Variants in TMEM132B observed in about 807,000 individuals in gnomAD.
TMEM132B encodes transmembrane protein 132B.
A neutral mutation model predicts 90.8 loss-of-function variants in TMEM132B; 18 were observed. That is an observed-to-expected ratio of 0.20 (90% CI 0.14 to 0.29). TMEM132B has a LOEUF of 0.29. Ranked by LOEUF, TMEM132B falls within the 10% of genes least tolerant of loss-of-function variation. TMEM132B has a pLI of 1.00. For synonymous variants in TMEM132B, 504 were observed against 523.3 expected, an observed-to-expected ratio of 0.96 and a Z score of 0.50; for missense variants, 1,096 against 1,326.8, an observed-to-expected ratio of 0.83 and a Z score of 2.70.
chr12:125,264,206 G>C (rs990293031), intron 1 of TMEM132B, among the ~76,000 whole-genome samples: 1 of 152,044 alleles, frequency 6.6e-6, no homozygotes, highest in African/African-American at 2.4e-5. Flanking sequence ...CGCTTCCTCT[G>C]CCTCTGCCTC....
chr12:125,435,376 G>A (rs1239091707), intron 3 of TMEM132B, among the ~76,000 whole-genome samples: 4 of 152,106 alleles, frequency 2.6e-5, no homozygotes, highest in Non-Finnish European at 4.4e-5. Flanking sequence ...ACTGGGGTGC[G>A]GAAGGGGTGG....
intron 1 of TMEM132B, among the ~76,000 whole-genome samples, chr12:125,219,436 T>C (rs1396055659): frequency 1.3e-5 from 2 of 152,030 alleles, no homozygotes; most frequent in Non-Finnish European, 2.9e-5. Context: ...GTGCCTGGAG[T>C]GGGCAGCTGT....
At chr12:125,319,807 G>C (rs1002508705) in intron 1 of TMEM132B, among the ~76,000 whole-genome samples, 1 of 152,192 alleles carries the variant, frequency 6.6e-6, no homozygotes, top group African/African-American at 2.4e-5. Flanking sequence ...TTGAGCCCAG[G>C]AGTTCAAGAT....
At chr12:125,413,651 A>C (rs1879921319) in intron 2 of TMEM132B, among the ~76,000 whole-genome samples, 1 of 152,238 alleles carries the variant, frequency 6.6e-6, no homozygotes, top group African/African-American at 2.4e-5. Flanking sequence ...ATCGAGGTTC[A>C]TCACGTAGCA....
At chr12:125,354,726 A>G (rs1180928849) in intron 2 of TMEM132B, among the ~76,000 whole-genome samples, 1 of 152,228 alleles carries the variant, frequency 6.6e-6, no homozygotes, top group Non-Finnish European at 1.5e-5. Flanking sequence ...TATGGAGTGA[A>G]TTAGTTACTT....
intron 4 of TMEM132B, among the ~76,000 whole-genome samples, chr12:125,552,206 C>T (rs952465530): frequency 6.6e-6 from 1 of 152,220 alleles, no homozygotes. Flanking sequence ...GTATTTGTAG[C>T]TGGCTCTAAG....
chr12:125,558,704 T>C (rs115359451), intron 4 of TMEM132B, among the ~76,000 whole-genome samples: 1 of 152,318 alleles, frequency 6.6e-6, no homozygotes, highest in African/African-American at 2.4e-5. Context: ...GAAACAAATG[T>C]TGTTAGTTCC....
At chr12:125,298,971 G>A (rs952920933) in intron 1 of TMEM132B, among the ~76,000 whole-genome samples, 1 of 151,898 alleles carries the variant, frequency 6.6e-6, no homozygotes, top group African/African-American at 2.4e-5. Context: ...CTGACCTCGT[G>A]ATCTGCCTGC....
intron 5 of TMEM132B, among the ~76,000 whole-genome samples, chr12:125,628,935 G>A (rs996768194): frequency 2.0e-5 from 3 of 151,986 alleles, no homozygotes; most frequent in African/African-American, 4.8e-5. Flanking sequence ...TTCTTGGCAC[G>A]TTTGTTGGAA....
At chr12:125,330,020 C>T (rs1441128490) in intron 1 of TMEM132B, among the ~76,000 whole-genome samples, 2 of 152,208 alleles carry the variant, frequency 1.3e-5, no homozygotes, top group African/African-American at 4.8e-5. Flanking sequence ...AGCCTGTGGC[C>T]ATTGTTCCGT....
At chr12:125,243,957 T>G (rs1218566060) in intron 1 of TMEM132B, among the ~76,000 whole-genome samples, 2 of 151,952 alleles carry the variant, frequency 1.3e-5, no homozygotes, top group Non-Finnish European at 2.9e-5. Context: ...ACTAACCTCC[T>G]TCCTGTCTCT....
In TMEM132B at chr12:125,281,778, C is replaced by T. The variant is rs4765240; in HGVS notation, c.68-67674C>T. Among the ~76,000 whole-genome samples, 1,214 of 152,086 alleles carry T rather than the reference C, an allele frequency of 8.0e-3. 10 individuals are homozygous for T. Among genetic ancestry groups the T allele is most frequent in the Middle Eastern group, 0.02 (6 of 294 alleles). ...GCGCGGTGGCTCACGCCTGTAATCC[C>T]AGCACTTTGGGAGGCCGAGGTGGGC... is the stretch of plus-strand genomic sequence containing the variant. On this transcript the variant is annotated intron_variant, in intron 1 of 8. Transcript: ENST00000682704.
rs939906684 is a variant in TMEM132B, at chr12:125,415,851, C to T, written c.1106+174C>T. Among the ~76,000 whole-genome samples the T allele has an allele frequency of 1.3e-5, 2 of 152,160 alleles. No individual in the cohort carries two copies. The highest frequency in any genetic ancestry group is 2.9e-5 in the Non-Finnish European group (2 of 68,036). ...CCAGAGTTCACATTTATCACAGCGT[C>T]GGGTTTGGTAACCGCGTTTTAAATT... is the stretch of plus-strand genomic sequence containing the variant. On this transcript the variant is annotated intron_variant, in intron 3 of 8. Transcript: ENST00000682704. This position sits in a 1 kb window ranked among gnomAD's most constrained non-coding sequence, Gnocchi z 5.3.
intron 1 of TMEM132B, among the ~76,000 whole-genome samples, chr12:125,254,944 C>G (rs752228911): frequency 6.6e-6 from 1 of 152,132 alleles, no homozygotes; most frequent in Non-Finnish European, 1.5e-5. Context: ...CTCAGCCTCC[C>G]AAATTGCTGG....
At chr12:125,573,654 T>C (rs1884860243) in intron 4 of TMEM132B, among the ~76,000 whole-genome samples, 1 of 152,154 alleles carries the variant, frequency 6.6e-6, no homozygotes, top group Non-Finnish European at 1.5e-5. Context: ...GTTGGAGAAT[T>C]TTGCTCTGGG....
chr12:125,475,105 T>G (rs1881837749), intron 3 of TMEM132B, among the ~76,000 whole-genome samples: 1 of 152,084 alleles, frequency 6.6e-6, no homozygotes, highest in Non-Finnish European at 1.5e-5. Context: ...TACAGGTAGA[T>G]ATCACCTTAC....
chr12:125,432,923 C>T (rs1566035050), intron 3 of TMEM132B, among the ~76,000 whole-genome samples: 1 of 152,192 alleles, frequency 6.6e-6, no homozygotes, highest in Non-Finnish European at 1.5e-5. Context: ...TCGTAGTTCA[C>T]TCATTTGGTC....
chr12:125,350,470 A>C (rs987399952), intron 2 of TMEM132B, 127 bp downstream of exon 2: 1 of 1,159,888 alleles, frequency 8.6e-7, no homozygotes, highest in African/African-American at 1.5e-5. Flanking sequence ...TGGTCATTAA[A>C]GTGGTGAAAA....
chr12:125,416,493 T>C (rs549499440), intron 3 of TMEM132B, among the ~76,000 whole-genome samples: 1 of 152,358 alleles, frequency 6.6e-6, no homozygotes, highest in South Asian at 2.1e-4. Context: ...ACCAGTTCTC[T>C]TTCTTCCCTA....
Sources: allele counts gnomAD v4.1 joint callset (sites outside exome capture counted in the v4.1 genomes callset), GRCh38; gene constraint gnomAD v4.1.1; non-coding constraint Gnocchi (gnomAD v3.1); transcripts MANE v1.5; gene names NCBI Gene and HGNC (gene_info 2026-07-23, HGNC 2026-07-21).